Variants in SLC16A10 observed in about 807,000 individuals in gnomAD.
SLC16A10 encodes monocarboxylate transporter 10.
In SLC16A10, 27 loss-of-function variants were observed where a neutral mutation model predicts 40.0. That is an observed-to-expected ratio of 0.67 (90% CI 0.50 to 0.93). The LOEUF (loss-of-function observed/expected upper bound fraction) is 0.93, where lower values mean the gene tolerates loss of function less well. SLC16A10 is among the 40% of genes least tolerant of loss of function. SLC16A10 has a pLI of 0.00. For missense variants in SLC16A10, 529 were observed against 658.2 expected (o/e 0.80, Z 2.15); for synonymous variants, 213 against 249.8 (o/e 0.85, Z 1.39).
At chr6:111,199,212 C>T (rs573327529) in intron 3 of SLC16A10, among the ~76,000 whole-genome samples, 10 of 152,240 alleles carry the variant, frequency 6.6e-5, no homozygotes, top group East Asian at 1.9e-4. Context: ...GTAGTCCCAG[C>T]GCTTTGGGAG....
At chr6:111,115,757 G>A (rs576485156) in intron 1 of SLC16A10, among the ~76,000 whole-genome samples, 26 of 152,136 alleles carry the variant, frequency 1.7e-4, no homozygotes, top group African/African-American at 4.6e-4. Flanking sequence ...TGATAAAGAG[G>A]CACTTTTAAA....
chr6:111,109,315 T>G (rs1771342955), intron 1 of SLC16A10, among the ~76,000 whole-genome samples: 1 of 152,242 alleles, frequency 6.6e-6, no homozygotes, highest in South Asian at 2.1e-4. Flanking sequence ...TTTATATGAA[T>G]GGAATCATAC....
At position 111,112,073 on chromosome 6, in the gene SLC16A10, C is replaced by T. The variant is rs147218141; in HGVS notation, c.343+23978C>T. Among the ~76,000 whole-genome samples, 408 of 152,106 alleles carry T rather than the reference C, an allele frequency of 2.7e-3. 2 individuals carry two copies. Among genetic ancestry groups the T allele is most frequent in the African/African-American group, 8.9e-3 (368 of 41,490 alleles). ...TGAGACAGAGTCTTGCTCTGTTGCC[C>T]GGGCTGGACTGAGTGGCATGATCAT... On this transcript the variant is annotated intron_variant, in intron 1 of 5. Coordinates refer to ENST00000368851, the MANE Select transcript of SLC16A10 (RefSeq NM_018593.5).
chr6:111,106,544 G>A (rs566172361), intron 1 of SLC16A10, among the ~76,000 whole-genome samples: 17 of 152,284 alleles, frequency 1.1e-4, no homozygotes, highest in Non-Finnish European at 2.2e-4. Context: ...GGTTATGGAA[G>A]AACGTCAAGG....
At chr6:111,137,064 A>C (rs907861071) in intron 1 of SLC16A10, among the ~76,000 whole-genome samples, 1 of 152,326 alleles carries the variant, frequency 6.6e-6, no homozygotes, top group Non-Finnish European at 1.5e-5. Context: ...GGACAGAGAA[A>C]TAAAAGGGAA....
chr6:111,193,068 G>A (rs1014337440), intron 3 of SLC16A10, among the ~76,000 whole-genome samples: 3 of 152,074 alleles, frequency 2.0e-5, no homozygotes, highest in Non-Finnish European at 4.4e-5. Context: ...GCCTAGGCTA[G>A]TCTCAAACTC....
chr6:111,193,157 T>C (rs1180863459), intron 3 of SLC16A10: 1 of 342,032 alleles, frequency 2.9e-6, no homozygotes, highest in Admixed American at 6.5e-5. Flanking sequence ...TGGTCTCATG[T>C]GGTTATTACA....
chr6:111,216,904 A>T (rs1583368421), intron 4 of SLC16A10, among the ~76,000 whole-genome samples: 1 of 152,150 alleles, frequency 6.6e-6, no homozygotes, highest in Non-Finnish European at 1.5e-5. Context: ...GTGAAAACCA[A>T]CACTCCTGAA....
At chr6:111,140,598 G>T (rs1039612673) in intron 1 of SLC16A10, among the ~76,000 whole-genome samples, 5 of 152,156 alleles carry the variant, frequency 3.3e-5, no homozygotes, top group African/African-American at 9.7e-5. Flanking sequence ...TATGTCAGTG[G>T]AGGCTAAGGT....
At position 111,200,960 on chromosome 6, in the gene SLC16A10, C is replaced by T. The variant is rs189447487; in HGVS notation, c.943-5632C>T. 4.6e-5 allele frequency among the ~76,000 whole-genome samples: 7 copies of T among 152,208 alleles called. No individual in the cohort carries two copies. In the East Asian group the frequency reaches 9.7e-4, roughly 21 times the overall value. Reference sequence around the variant, plus strand: ...GTAAAAGTGCTTTGAACTTAGTGTCCGTATTGGAAAGCAGGAAGTTGAAAG... The same window carrying T: ...GTAAAAGTGCTTTGAACTTAGTGTCTGTATTGGAAAGCAGGAAGTTGAAAG... On this transcript the variant is annotated intron_variant, in intron 3 of 5. Transcript: ENST00000368851.
intron 4 of SLC16A10, among the ~76,000 whole-genome samples, chr6:111,210,945 T>C (rs1773336951): frequency 6.6e-6 from 1 of 150,714 alleles, no homozygotes; most frequent in Admixed American, 6.6e-5. Context: ...GTCGCTTGAA[T>C]CTGGGAGGCA....
At chr6:111,113,617 T>C (rs746352375) in intron 1 of SLC16A10, among the ~76,000 whole-genome samples, 7 of 152,184 alleles carry the variant, frequency 4.6e-5, no homozygotes, top group Non-Finnish European at 8.8e-5. Flanking sequence ...GTGGGGATTG[T>C]GTGTGTGTGA....
At chr6:111,192,015 G>GTTTAA (rs1773002586) in intron 3 of SLC16A10, among the ~76,000 whole-genome samples, 1 of 152,126 alleles carries the variant, frequency 6.6e-6, no homozygotes, top group Non-Finnish European at 1.5e-5. Context: ...AAGCGCTTTA[G>GTTTAA]TTTAATTAGA....
chr6:111,184,789 AT>A (rs1181366428), intron 3 of SLC16A10, among the ~76,000 whole-genome samples: 2 of 152,192 alleles, frequency 1.3e-5, no homozygotes, highest in Non-Finnish European at 2.9e-5. Flanking sequence ...CATGAATTGT[AT>A]TTTTAAACCA....
At chr6:111,095,571 G>T (rs1771059256) in intron 1 of SLC16A10, among the ~76,000 whole-genome samples, 1 of 152,096 alleles carries the variant, frequency 6.6e-6, no homozygotes, top group African/African-American at 2.4e-5. Flanking sequence ...ATATGGTTTG[G>T]CTGTGTTCCC....
chr6:111,132,440 A>G (rs548941724), intron 1 of SLC16A10, among the ~76,000 whole-genome samples: 6 of 152,146 alleles, frequency 3.9e-5, no homozygotes, highest in South Asian at 2.1e-4. Flanking sequence ...ACCACTGACA[A>G]CCTATCAAAA....
intron 4 of SLC16A10, among the ~76,000 whole-genome samples, chr6:111,217,688 G>A (rs544010940): frequency 6.6e-6 from 1 of 152,230 alleles, no homozygotes; most frequent in South Asian, 2.1e-4. Flanking sequence ...CCGACCTCAT[G>A]ATCTGCCCAC....
intron 1 of SLC16A10, among the ~76,000 whole-genome samples, chr6:111,160,371 T>C (rs192996135): frequency 1.4e-4 from 22 of 152,356 alleles, no homozygotes; most frequent in African/African-American, 5.1e-4. Flanking sequence ...CCTGAATAGC[T>C]GGTATTACAG....
At chr6:111,139,953 A>G (rs1583323336) in intron 1 of SLC16A10, among the ~76,000 whole-genome samples, 3 of 152,296 alleles carry the variant, frequency 2.0e-5, no homozygotes, top group Non-Finnish European at 2.9e-5. Context: ...TGGGAGCTAA[A>G]TGATAAGAAC....
Sources: allele counts gnomAD v4.1 joint callset (sites outside exome capture counted in the v4.1 genomes callset), GRCh38; gene constraint gnomAD v4.1.1; transcripts MANE v1.5; gene names NCBI Gene and HGNC (gene_info 2026-07-23, HGNC 2026-07-21).